The following CRB1 variants were observed in gnomAD, a reference collection of about 807,000 sequenced individuals.
CRB1 encodes the protein crumbs cell polarity complex component 1.
In CRB1, 83 loss-of-function variants were observed where a neutral mutation model predicts 120.0. The observed-to-expected ratio is 0.69, with a 90% CI of 0.58 to 0.83. The LOEUF (loss-of-function observed/expected upper bound fraction) is 0.83. Among genes scored for constraint, CRB1 ranks in the 40% least tolerant of loss-of-function variants. The pLI is 0.00. For synonymous variants in CRB1, 625 were observed against 612.5 expected, an observed-to-expected ratio of 1.02 and a Z score of -0.30; for missense variants, 1,699 against 1,687.6, an observed-to-expected ratio of 1.01 and a Z score of -0.12.
At chr1:197,344,988 A>C (rs1272427632) in intron 3 of CRB1, among the ~76,000 whole-genome samples, 3 of 152,254 alleles carry the variant, frequency 2.0e-5, no homozygotes, top group Non-Finnish European at 4.4e-5. Context: ...AGAAATAGCC[A>C]TGTGATTCTG....
the CRB1 span, among the ~76,000 whole-genome samples, chr1:197,230,857 T>C: frequency 2.6e-5 from 4 of 152,192 alleles, no homozygotes; most frequent in African/African-American, 9.6e-5. Context: ...TTGCAATTGA[T>C]TAATCAAAAA....
chr1:197,351,377 A>G (rs1660093211), intron 4 of CRB1, among the ~76,000 whole-genome samples: 1 of 150,938 alleles, frequency 6.6e-6, no homozygotes, highest in Non-Finnish European at 1.5e-5. Flanking sequence ...AAAAAAAAAA[A>G]AAAAAAAAAG....
the CRB1 span, among the ~76,000 whole-genome samples, chr1:197,215,106 C>T: frequency 6.6e-6 from 1 of 152,058 alleles, no homozygotes; most frequent in Non-Finnish European, 1.5e-5. Context: ...AAGTATTTGA[C>T]ACAATTCAAC....
chr1:197,361,303 G>C (rs1660757008), intron 5 of CRB1, among the ~76,000 whole-genome samples: 1 of 151,760 alleles, frequency 6.6e-6, no homozygotes, highest in African/African-American at 2.4e-5. Context: ...TTCTGGAAGA[G>C]AGTATGTAAA....
At chr1:197,449,285 A>G (rs1246501180) in intron 11 of CRB1, among the ~76,000 whole-genome samples, 6 of 152,182 alleles carry the variant, frequency 3.9e-5, no homozygotes, top group Non-Finnish European at 1.5e-5. Flanking sequence ...TTTGGATTGC[A>G]TCCTGGTCAT....
chr1:197,455,928 A>G (rs1049111922), intron 11 of CRB1, among the ~76,000 whole-genome samples: 8 of 152,158 alleles, frequency 5.3e-5, no homozygotes, highest in Non-Finnish European at 1.0e-4. Context: ...GAAGCCACAT[A>G]TTAAATATAA....
intron 11 of CRB1, among the ~76,000 whole-genome samples, chr1:197,469,806 C>T (rs1002028754): frequency 1.3e-5 from 2 of 152,156 alleles, no homozygotes; most frequent in Non-Finnish European, 2.9e-5. Context: ...TCCTCACTAG[C>T]AGCTCCTGAT....
intron 5 of CRB1, among the ~76,000 whole-genome samples, chr1:197,415,643 T>G (rs1302046614): frequency 0.26 from 3,913 of 15,086 alleles, 238 homozygotes; most frequent in African/African-American, 0.43. Context: ...TTTCTTTTCT[T>G]TTTTTTTTTT....
Position 197,427,993 on chromosome 1 carries a change from A to T in CRB1, c.2668A>T (p.Ser890Cys). The change falls in exon 7 of 12, where the codon AGC (serine) becomes TGC (cysteine). Residue 890 changes from serine (S) to cysteine (C), a missense_variant. By Grantham distance (112) the Ser-to-Cys change is moderately radical. Transcript: ENST00000367400. ...AACCCAAGGCTGTGCTGGAGACAAC[A>T]GCTGCAAGGTAATGATTACTCATAC... is the stretch of plus-strand genomic sequence containing the variant. Reference protein sequence around the residue: ...NVTQGCAGDNSCKSNPCHNGG... With the variant: ...NVTQGCAGDNCCKSNPCHNGG... 6.2e-7 allele frequency: 1 copy of T among 1,613,634 alleles called. No individual in the cohort carries two copies.
chr1:197,463,866 A>G (rs1421395), intron 11 of CRB1, among the ~76,000 whole-genome samples: 16 of 152,284 alleles, frequency 1.1e-4, no homozygotes, highest in Middle Eastern at 3.4e-3. Flanking sequence ...ACCTGGATCG[A>G]ATGCTCAAAG....
chr1:197,429,304 T>G, intron 7 of CRB1, 145 bp from the exon 8 acceptor site: 1 of 1,285,784 alleles, frequency 7.8e-7, no homozygotes, highest in South Asian at 1.3e-5. Context: ...TTTATTCTAT[T>G]TAGTTAACAA....
the CRB1 span, among the ~76,000 whole-genome samples, chr1:197,224,133 C>A: frequency 6.7e-6 from 1 of 149,384 alleles, no homozygotes; most frequent in Non-Finnish European, 1.5e-5. Flanking sequence ...GCTCTTGTAC[C>A]GAAAAAATTT....
At chr1:197,292,842 CT>C (rs1171075957) in intron 1 of CRB1, among the ~76,000 whole-genome samples, 1 of 152,012 alleles carries the variant, frequency 6.6e-6, no homozygotes, top group African/African-American at 2.4e-5. Flanking sequence ...CAGAAAAGGC[CT>C]TTGACAAAAT....
At chr1:197,379,617 A>T (rs928123454) in intron 5 of CRB1, among the ~76,000 whole-genome samples, 13 of 151,414 alleles carry the variant, frequency 8.6e-5, no homozygotes, top group South Asian at 8.3e-4. Flanking sequence ...AAAAAAAAAA[A>T]AAAAAAAAAA....
intron 11 of CRB1, among the ~76,000 whole-genome samples, chr1:197,452,616 G>A (rs1029654973): frequency 1.3e-5 from 2 of 152,144 alleles, no homozygotes; most frequent in Non-Finnish European, 2.9e-5. Context: ...ATAAGATTTA[G>A]AAGGGCTAGT....
At chr1:197,446,622 G>A (rs1665713848) in intron 11 of CRB1, among the ~76,000 whole-genome samples, 2 of 152,148 alleles carry the variant, frequency 1.3e-5, no homozygotes, top group Admixed American at 1.3e-4. Flanking sequence ...TCTACATAGA[G>A]AATGGCTTAA....
chr1:197,467,537 A>G (rs1666802764), intron 11 of CRB1, among the ~76,000 whole-genome samples: 1 of 152,212 alleles, frequency 6.6e-6, no homozygotes, highest in African/African-American at 2.4e-5. Flanking sequence ...AATCCAGGAT[A>G]CAATCAATTG....
chr1:197,410,640 A>G (rs1487973262), intron 5 of CRB1, among the ~76,000 whole-genome samples: 1 of 152,218 alleles, frequency 6.6e-6, no homozygotes, highest in Non-Finnish European at 1.5e-5. Context: ...TGACAAAATT[A>G]TGAATTTATG....
In CRB1 at chr1:197,356,873, A is replaced by G. The variant is rs1188260667; in HGVS notation, c.1031A>G (p.Asn344Ser). The G allele has an allele frequency of 1.2e-6, 2 of 1,614,088 alleles. No individual in the cohort carries two copies. Among genetic ancestry groups the G allele is most frequent in the Non-Finnish European group, 1.7e-6 (2 of 1,180,048 alleles). ...AQCEIDLNEC[N>S]SNPCQSNGEC... ...TGTGAGATCGACCTCAATGAATGCA[A>G]TAGTAACCCCTGCCAGTCCAATGGG... is the stretch of plus-strand genomic sequence containing the variant. Residue 344 changes from asparagine to serine, a missense_variant, in exon 5 of 12, where the codon AAT (asparagine) becomes AGT (serine). Transcript: ENST00000367400.
Sources: gnomAD v4.1 joint callset for allele counts (sites outside exome capture counted in the v4.1 genomes callset) on GRCh38, gnomAD v4.1.1 for gene constraint, MANE v1.5 for transcripts, NCBI Gene and HGNC (gene_info 2026-07-23, HGNC 2026-07-21) for gene names.